The following SOX5 variants were observed in gnomAD, a reference collection of about 807,000 sequenced individuals.
SOX5 encodes the protein transcription factor SOX-5.
In SOX5, 9 loss-of-function variants were observed where a neutral mutation model predicts 92.0. The observed-to-expected ratio is 0.10, with a 90% CI of 0.06 to 0.17. The LOEUF (loss-of-function observed/expected upper bound fraction) is 0.17, where lower values mean the gene tolerates loss of function less well. Among genes scored for constraint, SOX5 ranks in the 10% least tolerant of loss-of-function variants. SOX5 has a pLI of 1.00. For synonymous variants in SOX5, 344 were observed against 336.3 expected (o/e 1.02, Z -0.25); for missense variants, 642 against 944.5 (o/e 0.68, Z 4.20).
chr12:24,186,230 G>T (rs1004765416), intron 4 of SOX5, among the ~76,000 whole-genome samples: 1 of 152,158 alleles, frequency 6.6e-6, no homozygotes, highest in Non-Finnish European at 1.5e-5. Context: ...AATATTTAGA[G>T]AATTCTGAGT....
At chr12:23,755,004 T>C (rs1444615191) in intron 4 of SOX5, among the ~76,000 whole-genome samples, 1 of 151,808 alleles carries the variant, frequency 6.6e-6, no homozygotes, top group East Asian at 1.9e-4. Context: ...CTACTGTGTT[T>C]TGAGAAAACA....
chr12:23,746,677 T>G (rs1313378848), intron 4 of SOX5, among the ~76,000 whole-genome samples: 1 of 152,070 alleles, frequency 6.6e-6, no homozygotes, highest in African/African-American at 2.4e-5. Context: ...ACATGTCAGA[T>G]GCCTTAATAT....
intron 7 of SOX5, among the ~76,000 whole-genome samples, chr12:23,662,312 T>C (rs944957125): frequency 1.1e-4 from 17 of 152,168 alleles, no homozygotes; most frequent in Non-Finnish European, 2.4e-4. Flanking sequence ...GTTTCATGTG[T>C]AATTCCATTC....
chr12:24,002,535 A>C (rs1012516712), intron 4 of SOX5, among the ~76,000 whole-genome samples: 1 of 134,522 alleles, frequency 7.4e-6, no homozygotes, highest in African/African-American at 3.1e-5. Context: ...CAGAAAATCT[A>C]AATCTACCCA....
chr12:24,523,273 A>G (rs1950411867), intron 1 of SOX5, among the ~76,000 whole-genome samples: 1 of 152,216 alleles, frequency 6.6e-6, no homozygotes, highest in Non-Finnish European at 1.5e-5. Context: ...GCCCATGTTC[A>G]TGGATTAGAA....
chr12:23,770,924 C>T (rs1934819344), intron 3 of SOX5, among the ~76,000 whole-genome samples: 2 of 149,160 alleles, frequency 1.3e-5, no homozygotes, highest in South Asian at 4.3e-4. Flanking sequence ...AAATACATAA[C>T]AGGTTTATAA....
intron 1 of SOX5, among the ~76,000 whole-genome samples, chr12:24,480,494 T>C (rs1042269535): frequency 6.6e-6 from 1 of 152,116 alleles, no homozygotes; most frequent in Non-Finnish European, 1.5e-5. Flanking sequence ...GAGAAAATAT[T>C]TGTAAACTAC....
intron 3 of SOX5, among the ~76,000 whole-genome samples, chr12:24,258,449 T>A (rs1941586449): frequency 6.6e-6 from 1 of 152,216 alleles, no homozygotes; most frequent in Admixed American, 6.5e-5. Context: ...CACCATTGGC[T>A]AATAAAACTA....
At chr12:23,781,224 T>C (rs994847795) in intron 3 of SOX5, among the ~76,000 whole-genome samples, 5 of 151,914 alleles carry the variant, frequency 3.3e-5, no homozygotes, top group African/African-American at 1.2e-4. Flanking sequence ...CTTTCTTTCA[T>C]GCTTTTAATG....
chr12:23,532,645 T>C lies in SOX5; in HGVS notation c.*1574A>G, dbSNP rs1307665769. 6.6e-6 allele frequency: 1 copy of C among 152,306 alleles called. No homozygotes were observed. Among genetic ancestry groups the C allele is most frequent in the African/African-American group, 2.4e-5 (1 of 41,444 alleles). 9.4% of individuals were successfully genotyped at this position (152,306 alleles called of 1,614,324 possible). On this transcript the variant is annotated 3_prime_UTR_variant, in exon 15 of 15. Transcript: ENST00000451604. ...AGGGAAGAGCAGTGGCAAGGATCCC[T>C]GGGTGCAGCCAGGCTCCATTTTATT...
intron 9 of SOX5, among the ~76,000 whole-genome samples, chr12:23,587,694 A>G (rs1306886374): frequency 6.6e-6 from 1 of 152,128 alleles, no homozygotes; most frequent in Non-Finnish European, 1.5e-5. Context: ...TCAAAAGAAT[A>G]CATATTTCGA....
intron 4 of SOX5, among the ~76,000 whole-genome samples, chr12:24,060,228 A>G (rs933438545): frequency 4.6e-5 from 7 of 152,226 alleles, no homozygotes; most frequent in Non-Finnish European, 8.8e-5. Flanking sequence ...TCACAATAGC[A>G]CTATGAAGTA....
chr12:24,206,584 T>TC (rs1327969501), intron 4 of SOX5, among the ~76,000 whole-genome samples: 2 of 151,152 alleles, frequency 1.3e-5, no homozygotes, highest in African/African-American at 4.9e-5. Flanking sequence ...ATCAACCGCC[T>TC]CCCCCCAAGA....
At chr12:24,052,748 A>C (rs1213817665) in intron 4 of SOX5, among the ~76,000 whole-genome samples, 1 of 152,246 alleles carries the variant, frequency 6.6e-6, no homozygotes, top group Non-Finnish European at 1.5e-5. Context: ...ATGCTACATA[A>C]ATGAAACTGG....
chr12:24,012,007 T>C (rs970342784), intron 4 of SOX5, among the ~76,000 whole-genome samples: 2 of 152,344 alleles, frequency 1.3e-5, no homozygotes, highest in African/African-American at 2.4e-5. Flanking sequence ...CTTCAAATTT[T>C]ATTCAACAGT....
Position 23,777,027 on chromosome 12 carries a change from C to A in SOX5, c.482-21303G>T, listed in dbSNP as rs189528153. Among the ~76,000 whole-genome samples the A allele has an allele frequency of 1.4e-3, 214 of 152,250 alleles. 2 individuals are homozygous for A. The highest frequency in any genetic ancestry group is 4.8e-3 in the African/African-American group (198 of 41,544). ...TTTATTATTCATTTATTTATTTTCTCTTCCTCCCCACTAGAACACAAGTTC... is the reference window on the plus strand; with the variant it reads ...TTTATTATTCATTTATTTATTTTCTATTCCTCCCCACTAGAACACAAGTTC... On this transcript the variant is annotated intron_variant, in intron 3 of 14. Coordinates refer to ENST00000451604, the MANE Select transcript of SOX5 (RefSeq NM_006940.6).
intron 4 of SOX5, among the ~76,000 whole-genome samples, chr12:24,037,935 T>C (rs1203124764): frequency 1.3e-5 from 2 of 152,084 alleles, no homozygotes; most frequent in Non-Finnish European, 2.9e-5. Flanking sequence ...AACCGAAACT[T>C]GACACTTGAA....
intron 11 of SOX5, among the ~76,000 whole-genome samples, chr12:23,553,680 G>GT (rs1944631019): frequency 6.6e-6 from 1 of 152,040 alleles, no homozygotes; most frequent in Non-Finnish European, 1.5e-5. Context: ...AATCAGAAGG[G>GT]TTAATGTGAG....
At chr12:23,833,358 A>AGTTTGTCTCT (rs1447080093) in intron 3 of SOX5, among the ~76,000 whole-genome samples, 1 of 151,988 alleles carries the variant, frequency 6.6e-6, no homozygotes, top group African/African-American at 2.4e-5. Flanking sequence ...ACTGTCTCCC[A>AGTTTGTCTCT]TACCAGCTCT....
Sources: allele counts gnomAD v4.1 joint callset (sites outside exome capture counted in the v4.1 genomes callset), GRCh38; gene constraint gnomAD v4.1.1; transcripts MANE v1.5; gene names NCBI Gene and HGNC (gene_info 2026-07-23, HGNC 2026-07-21).